PAG1: variants seen among roughly 807,000 people sequenced by gnomAD.
PAG1 encodes the protein phosphoprotein associated with glycosphingolipid-enriched microdomains 1.
Under a neutral mutation model 31.7 loss-of-function variants are expected in PAG1, and 23 were observed. The observed-to-expected ratio is 0.73, with a 90% CI of 0.52 to 1.03. PAG1 has a LOEUF of 1.03. Ranked by LOEUF, PAG1 falls within the 50% of genes least tolerant of loss-of-function variation. PAG1 has a pLI of 0.00. For missense variants in PAG1, 473 were observed against 540.7 expected, an observed-to-expected ratio of 0.87 and a Z score of 1.24; for synonymous variants, 214 against 210.3, an observed-to-expected ratio of 1.02 and a Z score of -0.15.
At chr8:81,091,106 A>G (rs556985733) in intron 1 of PAG1, among the ~76,000 whole-genome samples, 1 of 152,320 alleles carries the variant, frequency 6.6e-6, no homozygotes, top group African/African-American at 2.4e-5. Flanking sequence ...AATATTTAAT[A>G]GATAGAGCAT....
intron 4 of PAG1, among the ~76,000 whole-genome samples, 167 bp downstream of exon 4, chr8:80,992,936 T>C (rs1396927274): frequency 6.6e-6 from 1 of 152,232 alleles, no homozygotes; most frequent in Non-Finnish European, 1.5e-5. Context: ...GAATAAAGAA[T>C]GTCCCGAGAC....
intron 3 of PAG1, among the ~76,000 whole-genome samples, chr8:81,020,770 A>T (rs1053164094): frequency 4.6e-5 from 7 of 152,142 alleles, no homozygotes; most frequent in Non-Finnish European, 1.0e-4. Context: ...ATGATGGGTA[A>T]TCTTATGTTT....
At chr8:81,035,629 A>G (rs1001352363) in intron 2 of PAG1, among the ~76,000 whole-genome samples, 1 of 152,218 alleles carries the variant, frequency 6.6e-6, no homozygotes, top group Non-Finnish European at 1.5e-5. Flanking sequence ...ACGATGGCAC[A>G]TGCAAGAGGA....
chr8:81,068,943 C>T (rs1464867205), intron 2 of PAG1, among the ~76,000 whole-genome samples: 2 of 152,194 alleles, frequency 1.3e-5, no homozygotes, highest in East Asian at 3.8e-4. Flanking sequence ...GTAAGGCGAG[C>T]AGCTCTAGTG....
chr8:81,073,350 C>T (rs78927904), intron 1 of PAG1, among the ~76,000 whole-genome samples: 1 of 152,282 alleles, frequency 6.6e-6, no homozygotes, highest in African/African-American at 2.4e-5. Flanking sequence ...CTACCAACCT[C>T]CCTGAGAGCA....
At chr8:81,015,402 G>A (rs1313374690) in intron 3 of PAG1, among the ~76,000 whole-genome samples, 1 of 152,058 alleles carries the variant, frequency 6.6e-6, no homozygotes, top group Non-Finnish European at 1.5e-5. Flanking sequence ...CCTTTATGTT[G>A]AATAAGCATA....
intron 7 of PAG1, among the ~76,000 whole-genome samples, chr8:80,982,111 C>A (rs1450530739): frequency 6.6e-6 from 1 of 152,058 alleles, no homozygotes; most frequent in Non-Finnish European, 1.5e-5. Flanking sequence ...AGTGATCCAC[C>A]CACCTCGGCC....
At chr8:81,006,520 G>A (rs1020652086) in intron 3 of PAG1, among the ~76,000 whole-genome samples, 1 of 152,164 alleles carries the variant, frequency 6.6e-6, no homozygotes, top group African/African-American at 2.4e-5. Context: ...GGCAGAGGCA[G>A]TGAAACTCCA....
chr8:80,998,655 T>C (rs996465476), intron 3 of PAG1, among the ~76,000 whole-genome samples: 8 of 152,148 alleles, frequency 5.3e-5, no homozygotes, highest in Admixed American at 1.3e-4. Context: ...ATTTATTTCT[T>C]TGGCCAAACA....
chr8:81,004,773 T>A (rs1278174324), intron 3 of PAG1, among the ~76,000 whole-genome samples: 1 of 152,212 alleles, frequency 6.6e-6, no homozygotes, highest in Non-Finnish European at 1.5e-5. Flanking sequence ...GCAGCTGCAA[T>A]GCCCTTGGAC....
intron 2 of PAG1, among the ~76,000 whole-genome samples, chr8:81,056,832 C>T (rs1808830961): frequency 6.6e-6 from 1 of 152,098 alleles, no homozygotes; most frequent in Admixed American, 6.6e-5. Flanking sequence ...TGACAAAGGG[C>T]TAACATCCAG....
At chr8:81,013,648 C>T (rs1464347075) in intron 3 of PAG1, among the ~76,000 whole-genome samples, 1 of 152,158 alleles carries the variant, frequency 6.6e-6, no homozygotes, top group African/African-American at 2.4e-5. Flanking sequence ...GGCGTGATCT[C>T]GGCTCACTGC....
intron 8 of PAG1, among the ~76,000 whole-genome samples, chr8:80,977,344 G>T (rs1043059768): frequency 2.0e-5 from 3 of 152,338 alleles, no homozygotes; most frequent in Admixed American, 1.3e-4. Flanking sequence ...TAAACCAGCA[G>T]CAACAGGATC....
At chr8:80,996,200 G>T (rs1288945350) in intron 3 of PAG1, among the ~76,000 whole-genome samples, 1 of 152,244 alleles carries the variant, frequency 6.6e-6, no homozygotes, top group Non-Finnish European at 1.5e-5. Flanking sequence ...CAGTCCCCGT[G>T]GTCGTGGGCA....
chr8:81,022,712 G>A (rs549612502), intron 3 of PAG1, among the ~76,000 whole-genome samples: 3 of 152,278 alleles, frequency 2.0e-5, no homozygotes. Flanking sequence ...ATAAAAAACA[G>A]TATAGGGATT....
intron 3 of PAG1, among the ~76,000 whole-genome samples, chr8:81,018,410 G>T (rs1473841724): frequency 6.6e-6 from 1 of 152,146 alleles, no homozygotes; most frequent in African/African-American, 2.4e-5. Flanking sequence ...CAAAACAACT[G>T]GTCTTGCTTT....
chr8:80,972,809 CTTCT>C lies in PAG1; in HGVS notation c.*3731_*3734del, dbSNP rs1807104367. 1 of 152,070 alleles carries C rather than the reference CTTCT, an allele frequency of 6.6e-6. No homozygotes were observed. The highest frequency in any genetic ancestry group is 2.4e-5 in the African/African-American group (1 of 41,410). 9.4% of individuals were successfully genotyped at this position (152,070 alleles called of 1,614,324 possible). A position where few individuals can be genotyped will look rare whatever the true frequency, so the allele number is the denominator to read the frequency against. On this transcript the variant is annotated 3_prime_UTR_variant, in exon 9 of 9. Transcript: ENST00000220597. Reference sequence around the variant, plus strand: ...AATGAAACTGATTGAAAAACTGTTCCTTCTAATTCTGCTTTTCCAACAAAAGTTC... The same window carrying C: ...AATGAAACTGATTGAAAAACTGTTCCAATTCTGCTTTTCCAACAAAAGTTC...
At position 81,052,046 on chromosome 8, in the gene PAG1, C is replaced by A. The variant is rs147656143; in HGVS notation, c.-175+18066G>T. On this transcript the variant is annotated intron_variant, in intron 2 of 8. Coordinates refer to ENST00000220597, the MANE Select transcript of PAG1 (RefSeq NM_018440.4). ...TCGGGAGGCTGAGGCAGGAGAATGG[C>A]GTGAACCCGGGAGGCGGAGCTTGCG... is the stretch of plus-strand genomic sequence containing the variant. Among the ~76,000 whole-genome samples, 6 of 150,210 alleles carry A rather than the reference C, an allele frequency of 4.0e-5. No individual in the cohort carries two copies. In the East Asian group the frequency reaches 1.2e-3, roughly 30 times the overall value.
At chr8:80,982,705 A>G (rs1807333927) in intron 7 of PAG1, among the ~76,000 whole-genome samples, 1 of 152,084 alleles carries the variant, frequency 6.6e-6, no homozygotes, top group South Asian at 2.1e-4. Flanking sequence ...TCTCCCCCCA[A>G]AACCTGCTCT....
Sources: gnomAD v4.1 joint callset for allele counts (sites outside exome capture counted in the v4.1 genomes callset) on GRCh38, gnomAD v4.1.1 for gene constraint, MANE v1.5 for transcripts, NCBI Gene and HGNC (gene_info 2026-07-23, HGNC 2026-07-21) for gene names.